CCDC7: variants seen among roughly 807,000 people sequenced by gnomAD.
CCDC7 encodes coiled-coil domain containing 7, also known as coiled-coil domain-containing protein 7.
CCDC7 carries 183 observed loss-of-function variants against 196.9 expected under a neutral mutation model. That is an observed-to-expected ratio of 0.93 (90% confidence interval 0.82 to 1.05). The LOEUF is 1.05. Among genes scored for constraint, CCDC7 ranks in the 50% least tolerant of loss-of-function variants. The probability of loss-of-function intolerance (pLI) is 0.00; values close to 1 mark genes in which losing one functional copy is unlikely to be tolerated. For missense variants in CCDC7, 1,540 were observed against 1,482.2 expected, an observed-to-expected ratio of 1.04 and a Z score of -0.64; for synonymous variants, 525 against 484.6, an observed-to-expected ratio of 1.08 and a Z score of -1.10.
chr10:32,875,621 T>A (rs2094576750), intron 41 of CCDC7, among the ~76,000 whole-genome samples: 1 of 152,040 alleles, frequency 6.6e-6, no homozygotes, highest in Admixed American at 6.6e-5. Flanking sequence ...TTTAGATCTA[T>A]CATAGCTTAT....
At chr10:32,465,731 C>A (rs190450408) in intron 5 of CCDC7, among the ~76,000 whole-genome samples, 1 of 152,204 alleles carries the variant, frequency 6.6e-6, no homozygotes, top group East Asian at 1.9e-4. Context: ...AAACATAAAC[C>A]TCTTGCTCAA....
chr10:32,490,433 A>T (rs963130039), intron 8 of CCDC7, among the ~76,000 whole-genome samples: 4 of 152,076 alleles, frequency 2.6e-5, no homozygotes, highest in Non-Finnish European at 4.4e-5. Flanking sequence ...TGTTCCTTGT[A>T]GTCCTTTACC....
chr10:32,699,920 ATTTG>A (rs1303027887), intron 24 of CCDC7, among the ~76,000 whole-genome samples: 1 of 149,204 alleles, frequency 6.7e-6, no homozygotes, highest in Non-Finnish European at 1.5e-5. Flanking sequence ...TTTCTTGTAA[ATTTG>A]TTTGAGTTCA....
intron 3 of CCDC7, among the ~76,000 whole-genome samples, chr10:32,459,646 A>ATTTT (rs60002951): frequency 0.017 from 1,154 of 68,658 alleles, 184 homozygotes; most frequent in African/African-American, 0.055. Flanking sequence ...CCTGCTGCAC[A>ATTTT]TTTTTTTTTT....
intron 9 of CCDC7, among the ~76,000 whole-genome samples, chr10:32,516,778 A>G (rs961537537): frequency 2.6e-5 from 4 of 152,260 alleles, no homozygotes; most frequent in African/African-American, 7.2e-5. Context: ...TGTTAAATAC[A>G]GAGTCTGCAT....
intron 11 of CCDC7, among the ~76,000 whole-genome samples, chr10:32,529,461 C>G (rs12256923): frequency 0.019 from 2,895 of 152,252 alleles, 96 homozygotes; most frequent in African/African-American, 0.066. Flanking sequence ...TGATTATGGC[C>G]ATTCTTGCAG....
chr10:32,747,530 C>A (rs1437973920), intron 28 of CCDC7, among the ~76,000 whole-genome samples: 3 of 151,964 alleles, frequency 2.0e-5, no homozygotes, highest in African/African-American at 7.3e-5. Context: ...AAAACAACCC[C>A]ATTAAAAAAT....
chr10:32,608,627 G>A (rs768179650), intron 18 of CCDC7, among the ~76,000 whole-genome samples: 4 of 151,922 alleles, frequency 2.6e-5, no homozygotes, highest in Non-Finnish European at 5.9e-5. Context: ...TGCACCCTCC[G>A]CCTCCCAGGC....
intron 5 of CCDC7, among the ~76,000 whole-genome samples, chr10:32,465,002 C>T (rs2036456408): frequency 1.3e-5 from 2 of 151,856 alleles, no homozygotes; most frequent in Non-Finnish European, 2.9e-5. Context: ...CAAATTTACT[C>T]ATATTAGGGA....
chr10:32,467,878 G>A (rs936249399), intron 5 of CCDC7, among the ~76,000 whole-genome samples: 2 of 152,016 alleles, frequency 1.3e-5, no homozygotes, highest in African/African-American at 4.8e-5. Flanking sequence ...CAGGTTTGTC[G>A]AAGATCAGAT....
At chr10:32,614,922 CT>C (rs112170852) in intron 18 of CCDC7, among the ~76,000 whole-genome samples, 109 of 152,268 alleles carry the variant, frequency 7.2e-4, no homozygotes, top group African/African-American at 2.5e-3. Flanking sequence ...AGTTATTTCA[CT>C]TAGTATAATG....
chr10:32,727,858 G>C (rs2083351162), intron 26 of CCDC7, among the ~76,000 whole-genome samples: 1 of 152,116 alleles, frequency 6.6e-6, no homozygotes, highest in Non-Finnish European at 1.5e-5. Flanking sequence ...AGAGTGGCAT[G>C]AAAGAACCTA....
intron 20 of CCDC7, among the ~76,000 whole-genome samples, chr10:32,652,029 T>C (rs1222043327): frequency 6.6e-6 from 1 of 152,228 alleles, no homozygotes. Context: ...ATTCCCCTCC[T>C]ATTATTGTAT....
At chr10:32,705,234 G>A (rs962149451) in intron 24 of CCDC7, among the ~76,000 whole-genome samples, 5 of 152,028 alleles carry the variant, frequency 3.3e-5, no homozygotes, top group African/African-American at 1.2e-4. Flanking sequence ...CATAAGTGAA[G>A]GAGAAATAAA....
Position 32,519,578 on chromosome 10 carries a change from T to A in CCDC7, c.993+1073T>A, listed in dbSNP as rs1437635461. 1.8e-4 allele frequency among the ~76,000 whole-genome samples: 28 copies of A among 151,890 alleles called. 1 individual carries two copies. The highest frequency in any genetic ancestry group is 1.8e-3 in the Admixed American group (27 of 15,252). On this transcript the variant is annotated intron_variant, in intron 11 of 41. Coordinates refer to ENST00000639629, the Ensembl canonical transcript of CCDC7. ...ACTCTTACCCATTCTTTAAAACATT[T>A]AAAAAAATTTTTATTTTTGTGGGTA...
At chr10:32,456,122 C>G in intron 2 of CCDC7, 129 bp from the exon 4 acceptor site, 1 of 817,516 alleles carries the variant, frequency 1.2e-6, no homozygotes, top group Non-Finnish European at 1.7e-6. Flanking sequence ...TGGCTTCTTG[C>G]TGTAAATGTT....
At chr10:32,636,060 A>G (rs1328576285) in intron 20 of CCDC7, among the ~76,000 whole-genome samples, 1 of 152,182 alleles carries the variant, frequency 6.6e-6, no homozygotes, top group Non-Finnish European at 1.5e-5. Flanking sequence ...TCTAAAAAGT[A>G]GCATAAAGCT....
chr10:32,475,472 G>T (rs1203201371), intron 8 of CCDC7, among the ~76,000 whole-genome samples: 1 of 152,178 alleles, frequency 6.6e-6, no homozygotes, highest in East Asian at 1.9e-4. Context: ...CCCACTTATA[G>T]TCTAATGGAA....
At chr10:32,856,539 G>A (rs1266576300) in intron 41 of CCDC7, among the ~76,000 whole-genome samples, 1 of 152,108 alleles carries the variant, frequency 6.6e-6, no homozygotes, top group African/African-American at 2.4e-5. Context: ...TAGGAGTGAA[G>A]CCAACATTGC....
Sources: allele counts gnomAD v4.1 joint callset (sites outside exome capture counted in the v4.1 genomes callset), GRCh38; gene constraint gnomAD v4.1.1; transcripts MANE v1.5; gene names NCBI Gene and HGNC (gene_info 2026-07-23, HGNC 2026-07-21).